Variants in AKAP11 observed in about 807,000 individuals in gnomAD.
AKAP11 encodes the protein A-kinase anchor protein 11.
Under a neutral mutation model 146.1 loss-of-function variants are expected in AKAP11, and 36 were observed. That is an observed-to-expected ratio of 0.25 (90% CI 0.19 to 0.33). The LOEUF is 0.33. Ranked by LOEUF, AKAP11 falls within the 10% of genes least tolerant of loss-of-function variation. The pLI is 1.00. For synonymous variants in AKAP11, 780 were observed against 786.5 expected, an observed-to-expected ratio of 0.99 and a Z score of 0.14; for missense variants, 2,201 against 2,197.0, an observed-to-expected ratio of 1.00 and a Z score of -0.04.
rs1303109644 is a variant in AKAP11, at chr13:42,302,319, C to T, written c.3573C>T (p.His1191=). 2 of 1,614,164 alleles carry T rather than the reference C, an allele frequency of 1.2e-6. No homozygotes were observed. The highest frequency in any genetic ancestry group is 2.2e-5 in the East Asian group (1 of 44,874). Residue 1191 remains histidine (H), a synonymous_variant, in exon 8 of 13, where the codon CAC becomes CAT. Coordinates refer to ENST00000025301, the MANE Select transcript of AKAP11 (RefSeq NM_016248.4). ...ELPEVDVKSE[H]SGKKVQFAEA... ...CAGAAGTGGATGTGAAGTCGGAGCA[C>T]TCAGGGAAGAAGGTTCAGTTTGCAG...
chr13:42,295,544 A>G (rs2138545627), intron 4 of AKAP11, 151 bp from the exon 5 acceptor site: 2 of 728,232 alleles, frequency 2.7e-6, no homozygotes, highest in East Asian at 5.4e-5. Flanking sequence ...ATCTTTGGTG[A>G]AAAATATTTT....
At chr13:42,283,774 C>T (rs769189570) in intron 1 of AKAP11, among the ~76,000 whole-genome samples, 18 of 152,216 alleles carry the variant, frequency 1.2e-4, no homozygotes, top group Non-Finnish European at 2.5e-4. Flanking sequence ...TATCTCTTTT[C>T]CCTACTTCCC....
chr13:42,297,878 C>A (rs1372937586), intron 6 of AKAP11, among the ~76,000 whole-genome samples: 3 of 72,844 alleles, frequency 4.1e-5, no homozygotes, highest in Non-Finnish European at 8.7e-5. Context: ...TAATTATGTT[C>A]TTTATTCGTA....
In AKAP11 at chr13:42,319,630, G is replaced by C. The variant is rs1316219190; in HGVS notation, c.*402G>C. On this transcript the variant is annotated 3_prime_UTR_variant, in exon 13 of 13. Transcript: ENST00000025301. ...TAATTTTGCTCCTTTGCAAACAAAT[G>C]GTATCTAATTAATAACTAGTCTGAC... 6.4e-6 allele frequency: 1 copy of C among 155,670 alleles called. No homozygotes were observed. The highest frequency in any genetic ancestry group is 1.4e-5 in the Non-Finnish European group (1 of 70,242). 9.6% of individuals were successfully genotyped at this position (155,670 alleles called of 1,614,324 possible).
Position 42,313,033 on chromosome 13 carries a change from T to C in AKAP11, c.5274-14T>C. The C allele has an allele frequency of 6.2e-7, 1 of 1,609,034 alleles. No individual in the cohort carries two copies. The highest frequency in any genetic ancestry group is 8.5e-7 in the Non-Finnish European group (1 of 1,176,130). ...ATTTTCTAGTTCAGCTCTGTTCTTT[T>C]CTTCCTCTGGCAGTAATGGTAACAG... is the stretch of plus-strand genomic sequence containing the variant. On this transcript the variant is annotated splice_polypyrimidine_tract_variant and intron_variant, in intron 9 of 12. Transcript: ENST00000025301.
rs1243813802 is a variant in AKAP11 at position 42,319,331 on chromosome 13, G to A, written c.*103G>A. 2 of 1,439,190 alleles carry A rather than the reference G, an allele frequency of 1.4e-6. No homozygotes were observed. Among genetic ancestry groups the A allele is most frequent in the Non-Finnish European group, 1.9e-6 (2 of 1,079,548 alleles). 89.2% of individuals were successfully genotyped at this position (1,439,190 alleles called of 1,614,324 possible). A position where few individuals can be genotyped will look rare whatever the true frequency, so the allele number is the denominator to read the frequency against. On this transcript the variant is annotated 3_prime_UTR_variant, in exon 13 of 13. Transcript: ENST00000025301. ...TGAATAGTGAATATTAACATCGTAAGTCAGTTGGGAGGCAAGTAAATATAG... is the reference window on the plus strand; with the variant it reads ...TGAATAGTGAATATTAACATCGTAAATCAGTTGGGAGGCAAGTAAATATAG...
chr13:42,284,028 A>G (rs1868545), intron 1 of AKAP11, among the ~76,000 whole-genome samples: 18,761 of 152,212 alleles, frequency 0.12, 1,304 homozygotes, highest in South Asian at 0.17. Flanking sequence ...TGCTGGAGTT[A>G]GAAAATTTGG....
At chr13:42,312,768 C>T (rs1241783382) in intron 9 of AKAP11, among the ~76,000 whole-genome samples, 1 of 152,186 alleles carries the variant, frequency 6.6e-6, no homozygotes, top group East Asian at 1.9e-4. Flanking sequence ...TTCATGCATT[C>T]ATTTGCTGTC....
intron 3 of AKAP11, among the ~76,000 whole-genome samples, chr13:42,291,583 C>T (rs369834395): frequency 5.9e-5 from 9 of 152,128 alleles, no homozygotes; most frequent in Admixed American, 5.9e-4. Flanking sequence ...ATTAAATGAT[C>T]TTAGTGCACA....
At position 42,300,159 on chromosome 13, in the gene AKAP11, T is replaced by G; in HGVS notation, c.1413T>G (p.Asp471Glu). ...CTPAECFCQT[D>E]IGGDRIHENH... ...CAGCTGAATGTTTTTGCCAAACAGATATTGGTGGAGATAGGATTCATGAAA... is the reference window on the plus strand; with the variant it reads ...CAGCTGAATGTTTTTGCCAAACAGAGATTGGTGGAGATAGGATTCATGAAA... The change falls in exon 8 of 13, where the codon GAT becomes GAG. Residue 471 changes from aspartate to glutamate, a missense_variant. By Grantham distance (45) the Asp-to-Glu change is conservative. Transcript: ENST00000025301. 2 of 1,613,966 alleles carry G rather than the reference T, an allele frequency of 1.2e-6. No individual in the cohort carries two copies.
At chr13:42,292,306 C>G in intron 3 of AKAP11, 79 bp from the exon 4 acceptor site, 1 of 821,736 alleles carries the variant, frequency 1.2e-6, no homozygotes, top group Non-Finnish European at 1.9e-6. Flanking sequence ...GAGTGACTAT[C>G]TAAAACATCT....
intron 3 of AKAP11, among the ~76,000 whole-genome samples, chr13:42,290,290 A>T (rs1566263027): frequency 6.6e-6 from 1 of 152,214 alleles, no homozygotes; most frequent in Non-Finnish European, 1.5e-5. Context: ...TCAACACAAC[A>T]CCTGAAAGGT....
chr13:42,296,867 T>C (rs1959545435), intron 5 of AKAP11, among the ~76,000 whole-genome samples, 181 bp from the exon 6 acceptor site: 1 of 151,994 alleles, frequency 6.6e-6, no homozygotes, highest in Non-Finnish European at 1.5e-5. Context: ...AATTTTAGTA[T>C]ATTTTATTTT....
rs372481917 is a variant in AKAP11, at chr13:42,301,595, C to G, written c.2849C>G (p.Ser950Cys). The G allele has an allele frequency of 6.2e-7, 1 of 1,613,898 alleles. No homozygotes were observed. Among genetic ancestry groups the G allele is most frequent in the East Asian group, 2.2e-5 (1 of 44,900 alleles). ...DRLSKSIIKH[S>C]IDKSKSVIPN... ...TTATCTAAATCTATTATTAAACATT[C>G]CATAGATAAGAGCAAATCAGTGATC... The change falls in exon 8 of 13, where the codon TCC (serine) becomes TGC (cysteine). Residue 950 changes from serine (S) to cysteine (C), a missense_variant. Coordinates refer to ENST00000025301, the MANE Select transcript of AKAP11 (RefSeq NM_016248.4).
intron 6 of AKAP11, among the ~76,000 whole-genome samples, chr13:42,298,261 T>G (rs140592164): frequency 6.6e-6 from 1 of 151,998 alleles, no homozygotes; most frequent in African/African-American, 2.4e-5. Flanking sequence ...ACATAATTGC[T>G]CAAAGGAATG....
rs1254040177 is a variant in AKAP11, at chr13:42,300,312, A to G, written c.1566A>G (p.Glu522=). 1.2e-6 allele frequency: 2 copies of G among 1,611,692 alleles called. No individual in the cohort carries two copies. Among genetic ancestry groups the G allele is most frequent in the African/African-American group, 1.3e-5 (1 of 74,804 alleles). Residue 522 remains glutamate, a synonymous_variant, in exon 8 of 13, where the codon GAA becomes GAG. Transcript: ENST00000025301. ...ATATTAACAGTATTAAACATGGAGA[A>G]AATAAAACTGTAACTTTTAAGCATG... ...LSNINSIKHG[E]NKTVTFKHGN...
At chr13:42,311,691 T>C (rs1183367017) in intron 9 of AKAP11, among the ~76,000 whole-genome samples, 2 of 152,192 alleles carry the variant, frequency 1.3e-5, no homozygotes, top group Admixed American at 6.5e-5. Context: ...TTTTTTGTTA[T>C]AATCATTCTA....
At chr13:42,317,810 T>C in intron 12 of AKAP11, 122 bp downstream of exon 12, 1 of 1,178,470 alleles carries the variant, frequency 8.5e-7, no homozygotes, top group Non-Finnish European at 1.2e-6. Context: ...GTCCAACAGT[T>C]TGGGTTCAGA....
intron 11 of AKAP11, among the ~76,000 whole-genome samples, chr13:42,314,473 A>G (rs1315584810): frequency 1.3e-5 from 2 of 148,312 alleles, no homozygotes. Flanking sequence ...AAAAAAAAGG[A>G]ATACTTTATG....
Sources: allele counts gnomAD v4.1 joint callset (sites outside exome capture counted in the v4.1 genomes callset), GRCh38; gene constraint gnomAD v4.1.1; transcripts MANE v1.5; gene names NCBI Gene and HGNC (gene_info 2026-07-23, HGNC 2026-07-21).